The following OR9Q1 variants were observed in gnomAD, a reference collection of about 807,000 sequenced individuals.
OR9Q1 encodes olfactory receptor family 9 subfamily Q member 1, also known as olfactory receptor 9Q1.
For missense variants in OR9Q1, 374 were observed against 378.8 expected (o/e 0.99, Z 0.11); for synonymous variants, 153 against 148.6 (o/e 1.03, Z -0.22).
chr11:58,138,066 A>C (rs1854205863), intron 2 of OR9Q1, among the ~76,000 whole-genome samples: 1 of 152,176 alleles, frequency 6.6e-6, no homozygotes, highest in Non-Finnish European at 1.5e-5. Flanking sequence ...ACTTGAATCC[A>C]GGCCTCCAGG....
intron 2 of OR9Q1, among the ~76,000 whole-genome samples, chr11:58,127,125 G>T (rs3862656): frequency 0.21 from 31,893 of 151,872 alleles, 3,906 homozygotes; most frequent in Middle Eastern, 0.38. Context: ...TATTTTTGTA[G>T]TTTTAGTAGA....
intron 2 of OR9Q1, among the ~76,000 whole-genome samples, chr11:58,134,525 G>A (rs907003449): frequency 2.0e-5 from 3 of 152,210 alleles, no homozygotes; most frequent in Admixed American, 6.5e-5. Flanking sequence ...AGTTCCAAGA[G>A]TCTACTGCAT....
In OR9Q1 at chr11:58,167,427, T is replaced by C. The variant is rs17152453; in HGVS notation, c.-14-12004T>C. On this transcript the variant is annotated intron_variant, in intron 2 of 2. Coordinates refer to ENST00000335397, the MANE Select transcript of OR9Q1 (RefSeq NM_001005212.4). ...TATCTCATTATTCTTTTTCAAAAAT[T>C]TCTTTACTTTTCTTATGTATCTTGG... Among the ~76,000 whole-genome samples the C allele has an allele frequency of 7.0e-3, 1,072 of 152,322 alleles. 10 individuals are homozygous for C. The highest frequency in any genetic ancestry group is 0.019 in the African/African-American group (775 of 41,582).
chr11:58,027,750 C>T (rs146079079), intron 1 of OR9Q1, among the ~76,000 whole-genome samples: 57 of 152,210 alleles, frequency 3.7e-4, no homozygotes, highest in Non-Finnish European at 6.8e-4. Context: ...GATAAAAAGC[C>T]GTCGGCTGTC....
At chr11:58,161,557 T>TA (rs1854458096) in intron 2 of OR9Q1, among the ~76,000 whole-genome samples, 1 of 151,850 alleles carries the variant, frequency 6.6e-6, no homozygotes, top group African/African-American at 2.4e-5. Context: ...CTGTTTTTTT[T>TA]TTTTTAGACA....
At chr11:58,153,790 G>A (rs190980598) in intron 2 of OR9Q1, among the ~76,000 whole-genome samples, 1 of 152,180 alleles carries the variant, frequency 6.6e-6, no homozygotes, top group African/African-American at 2.4e-5. Context: ...TTCCTCAGCT[G>A]TATAAATGTA....
intron 2 of OR9Q1, among the ~76,000 whole-genome samples, chr11:58,098,703 T>C (rs1438088719): frequency 6.6e-6 from 1 of 152,126 alleles, no homozygotes; most frequent in Non-Finnish European, 1.5e-5. Context: ...TTGACATTCA[T>C]CTGTTTTCTG....
chr11:58,059,720 AAG>A (rs1853362085), intron 2 of OR9Q1, among the ~76,000 whole-genome samples: 1 of 148,454 alleles, frequency 6.7e-6, no homozygotes, highest in East Asian at 2.0e-4. Flanking sequence ...AAAAAAAGGA[AAG>A]GGAGAAAGCA....
intron 2 of OR9Q1, among the ~76,000 whole-genome samples, chr11:58,080,982 G>A (rs1408207679): frequency 1.3e-5 from 2 of 148,986 alleles, no homozygotes; most frequent in African/African-American, 5.0e-5. Flanking sequence ...CCCACCCCCC[G>A]ACAGGACCCA....
chr11:58,027,694 A>C (rs1852988986), intron 1 of OR9Q1, among the ~76,000 whole-genome samples: 1 of 152,166 alleles, frequency 6.6e-6, no homozygotes, highest in East Asian at 1.9e-4. Context: ...CTTCTTAAAA[A>C]AATCTCAGCC....
At chr11:58,128,433 TAATAA>T (rs774087276) in intron 2 of OR9Q1, among the ~76,000 whole-genome samples, 2 of 152,074 alleles carry the variant, frequency 1.3e-5, no homozygotes, top group Non-Finnish European at 2.9e-5. Flanking sequence ...AATTAGTATA[TAATAA>T]AGGTGGTATT....
At chr11:58,113,425 G>T (rs918452163) in intron 2 of OR9Q1, among the ~76,000 whole-genome samples, 1 of 152,108 alleles carries the variant, frequency 6.6e-6, no homozygotes, top group African/African-American at 2.4e-5. Flanking sequence ...CATGGGGGTG[G>T]GAGGACTGCT....
At position 58,069,444 on chromosome 11, in the gene OR9Q1, T is replaced by TCTTGCCCTGAGTACTGGTTC. The variant is rs1161051474; in HGVS notation, c.-15+13512_-15+13531dup. Among the ~76,000 whole-genome samples, 8 of 152,266 alleles carry TCTTGCCCTGAGTACTGGTTC rather than the reference T, an allele frequency of 5.3e-5. No individual in the cohort carries two copies. In the East Asian group the frequency reaches 1.5e-3, roughly 29 times the overall value. ...GCTGGTTCTGCTTGGATTGTGGCTC[T>TCTTGCCCTGAGTACTGGTTC]CTTGCCCTGAGTACTGGTTCCTTGC... On this transcript the variant is annotated intron_variant, in intron 2 of 2. Coordinates refer to ENST00000335397, the MANE Select transcript of OR9Q1 (RefSeq NM_001005212.4).
chr11:58,120,823 T>TAC lies in OR9Q1; in HGVS notation c.-14-58607_-14-58606insCA, dbSNP rs1016002624. Among the ~76,000 whole-genome samples, 7 of 147,482 alleles carry TAC rather than the reference T, an allele frequency of 4.7e-5. 1 individual carries two copies. In the East Asian group the frequency reaches 1.2e-3, roughly 25 times the overall value. ...AATACCATATATATATATATATATATATATACATATATTCTTGTTTTTTGA... is the reference window on the plus strand; with the variant it reads ...AATACCATATATATATATATATATATACATATACATATATTCTTGTTTTTTGA... On this transcript the variant is annotated intron_variant, in intron 2 of 2. Coordinates refer to ENST00000335397, the MANE Select transcript of OR9Q1 (RefSeq NM_001005212.4).
At chr11:58,048,590 A>ACT (rs1466097636) in intron 1 of OR9Q1, among the ~76,000 whole-genome samples, 1 of 150,610 alleles carries the variant, frequency 6.6e-6, no homozygotes, top group Non-Finnish European at 1.5e-5. Flanking sequence ...GAACCCTTGA[A>ACT]CTCAGGAGGT....
chr11:58,089,406 C>T (rs1853663473), intron 2 of OR9Q1, among the ~76,000 whole-genome samples: 1 of 151,860 alleles, frequency 6.6e-6, no homozygotes, highest in Non-Finnish European at 1.5e-5. Context: ...ATAGGGAATC[C>T]TTTCCCCATT....
chr11:58,094,637 A>AT (rs1196723184), intron 2 of OR9Q1, among the ~76,000 whole-genome samples: 1 of 152,186 alleles, frequency 6.6e-6, no homozygotes, highest in Non-Finnish European at 1.5e-5. Context: ...ACATTTAGTG[A>AT]TATGTTATAT....
chr11:58,047,192 T>C (rs886964098), intron 1 of OR9Q1: 3 of 152,220 alleles, frequency 2.0e-5, no homozygotes, highest in African/African-American at 7.2e-5. Context: ...CTCAAAGTTG[T>C]GTAAGTCAAT....
At chr11:58,173,273 C>T (rs916317921) in intron 2 of OR9Q1, among the ~76,000 whole-genome samples, 5 of 144,160 alleles carry the variant, frequency 3.5e-5, no homozygotes, top group Admixed American at 2.1e-4. Flanking sequence ...GCTCCTAATG[C>T]TATCCCTCCC....
Sources: gnomAD v4.1 joint callset for allele counts (sites outside exome capture counted in the v4.1 genomes callset) on GRCh38, gnomAD v4.1.1 for gene constraint, MANE v1.5 for transcripts, NCBI Gene and HGNC (gene_info 2026-07-23, HGNC 2026-07-21) for gene names.